EYS: variants seen among roughly 807,000 people sequenced by gnomAD.
The protein encoded by EYS is protein eyes shut homolog.
EYS carries 250 observed loss-of-function variants against 282.1 expected under a neutral mutation model. That is an observed-to-expected ratio of 0.89 (90% CI 0.80 to 0.98). The LOEUF (loss-of-function observed/expected upper bound fraction) is 0.98. Ranked by LOEUF, EYS falls within the 50% of genes least tolerant of loss-of-function variation. The pLI is 0.00. For missense variants in EYS, 4,016 were observed against 3,709.0 expected, an observed-to-expected ratio of 1.08 and a Z score of -2.15; for synonymous variants, 1,355 against 1,282.9, an observed-to-expected ratio of 1.06 and a Z score of -1.20.
intron 31 of EYS, among the ~76,000 whole-genome samples, chr6:64,147,799 G>C (rs1200467403): frequency 6.6e-6 from 1 of 152,168 alleles, no homozygotes; most frequent in East Asian, 1.9e-4. Flanking sequence ...GTAGAAGCAT[G>C]TGTTTCTGCG....
intron 30 of EYS, among the ~76,000 whole-genome samples, chr6:64,258,754 G>A (rs9362645): frequency 0.69 from 104,457 of 151,772 alleles, 35,958 homozygotes; most frequent in South Asian, 0.71. Context: ...GTTCATTATC[G>A]TTCCTATTTA....
At chr6:65,377,979 A>C (rs1175996798) in intron 8 of EYS, among the ~76,000 whole-genome samples, 1 of 152,148 alleles carries the variant, frequency 6.6e-6, no homozygotes, top group African/African-American at 2.4e-5. Flanking sequence ...AGAGGTACAA[A>C]TAGGAGCTGG....
chr6:64,621,401 C>G (rs1767443058), intron 23 of EYS, among the ~76,000 whole-genome samples: 1 of 151,988 alleles, frequency 6.6e-6, no homozygotes, highest in Admixed American at 6.6e-5. Flanking sequence ...TTTTGTCTAA[C>G]TAGTTAATAC....
At chr6:64,754,696 T>C (rs1159421204) in intron 22 of EYS, among the ~76,000 whole-genome samples, 12 of 152,134 alleles carry the variant, frequency 7.9e-5, no homozygotes, top group African/African-American at 1.2e-4. Flanking sequence ...AAATAATAAA[T>C]GTGATTCACT....
chr6:64,028,604 C>G (rs1336626912), intron 33 of EYS, among the ~76,000 whole-genome samples: 1 of 152,160 alleles, frequency 6.6e-6, no homozygotes, highest in Admixed American at 6.5e-5. Context: ...CCCAGTTCCT[C>G]TTTGCTTTTG....
intron 22 of EYS, among the ~76,000 whole-genome samples, chr6:64,654,135 G>A (rs968946539): frequency 1.3e-5 from 2 of 151,916 alleles, no homozygotes; most frequent in African/African-American, 4.8e-5. Flanking sequence ...TGAAATATTA[G>A]AAACAGACAT....
At chr6:64,809,700 T>G (rs1436319503) in intron 22 of EYS, among the ~76,000 whole-genome samples, 1 of 152,040 alleles carries the variant, frequency 6.6e-6, no homozygotes, top group African/African-American at 2.4e-5. Context: ...GAAGCCATGA[T>G]CCTAAATGAC....
intron 33 of EYS, among the ~76,000 whole-genome samples, chr6:64,001,441 T>C (rs1349445921): frequency 2.0e-5 from 3 of 152,228 alleles, no homozygotes; most frequent in Non-Finnish European, 4.4e-5. Flanking sequence ...TGAAACTCAA[T>C]GCAACCGACT....
At chr6:65,180,844 G>T (rs960205129) in intron 12 of EYS, among the ~76,000 whole-genome samples, 4 of 152,042 alleles carry the variant, frequency 2.6e-5, no homozygotes, top group Admixed American at 1.3e-4. Context: ...GCATGGTACT[G>T]GTACCAAAAC....
At chr6:63,925,116 A>G (rs2149746408) in intron 35 of EYS, among the ~76,000 whole-genome samples, 1 of 152,346 alleles carries the variant, frequency 6.6e-6, no homozygotes, top group South Asian at 2.1e-4. Context: ...CTGTAAAATG[A>G]AACTACCAAT....
At chr6:64,810,174 G>A (rs938071863) in intron 22 of EYS, among the ~76,000 whole-genome samples, 2 of 151,738 alleles carry the variant, frequency 1.3e-5, no homozygotes, top group Non-Finnish European at 2.9e-5. Context: ...TAACAGAAAC[G>A]TATGACACCA....
At chr6:64,172,906 C>A (rs981785114) in intron 31 of EYS, among the ~76,000 whole-genome samples, 1 of 152,134 alleles carries the variant, frequency 6.6e-6, no homozygotes, top group African/African-American at 2.4e-5. Context: ...CGAAACCATC[C>A]TCCTCCCCTT....
At chr6:65,061,608 A>G (rs1403322515) in intron 12 of EYS, among the ~76,000 whole-genome samples, 3 of 151,742 alleles carry the variant, frequency 2.0e-5, no homozygotes, top group Non-Finnish European at 1.5e-5. Context: ...TTTCTTCCTC[A>G]TGTATTTCTA....
At chr6:65,301,454 G>A (rs936809681) in intron 11 of EYS, among the ~76,000 whole-genome samples, 5 of 152,230 alleles carry the variant, frequency 3.3e-5, no homozygotes, top group Non-Finnish European at 7.3e-5. Flanking sequence ...GCCTGTAGCC[G>A]GGCGCCATCT....
At chr6:64,375,365 G>C (rs2150416402) in intron 29 of EYS, among the ~76,000 whole-genome samples, 1 of 152,286 alleles carries the variant, frequency 6.6e-6, no homozygotes, top group East Asian at 1.9e-4. Flanking sequence ...AATGTCATAT[G>C]TTAGCCTCAA....
chr6:64,947,665 T>C (rs1179576422), intron 14 of EYS, among the ~76,000 whole-genome samples: 1 of 151,230 alleles, frequency 6.6e-6, no homozygotes, highest in African/African-American at 2.4e-5. Flanking sequence ...TTTTTTTTTT[T>C]TTTGTAAACA....
At chr6:64,956,623 ACAAT>A (rs112538673) in intron 14 of EYS, among the ~76,000 whole-genome samples, 60,279 of 151,778 alleles carry the variant, frequency 0.4, 12,759 homozygotes, top group African/African-American at 0.56. Flanking sequence ...AGCAAGGGAA[ACAAT>A]CAACAAAGTA....
At chr6:63,740,475 A>T (rs1582160306) in intron 41 of EYS, among the ~76,000 whole-genome samples, 4 of 152,326 alleles carry the variant, frequency 2.6e-5, no homozygotes, top group Admixed American at 2.0e-4. Flanking sequence ...TATCAGCAGC[A>T]TGAAAATGGA....
chr6:65,319,373 C>T (rs1334984603), intron 11 of EYS, among the ~76,000 whole-genome samples: 2 of 150,908 alleles, frequency 1.3e-5, no homozygotes, highest in Non-Finnish European at 2.9e-5. Context: ...GAGTGAGTCT[C>T]CATCTCAAAA....
Sources: gnomAD v4.1 joint callset for allele counts (sites outside exome capture counted in the v4.1 genomes callset) on GRCh38, gnomAD v4.1.1 for gene constraint, MANE v1.5 for transcripts, NCBI Gene and HGNC (gene_info 2026-07-23, HGNC 2026-07-21) for gene names.